GABRA6: variants seen among roughly 807,000 people sequenced by gnomAD.
The protein encoded by GABRA6 is gamma-aminobutyric acid receptor subunit alpha-6.
GABRA6 carries 45 observed loss-of-function variants against 47.3 expected under a neutral mutation model. That is an observed-to-expected ratio of 0.95 (90% CI 0.75 to 1.22). GABRA6 has a LOEUF of 1.22. Among genes scored for constraint, GABRA6 ranks in the 50% most tolerant of loss-of-function variants. The probability of loss-of-function intolerance (pLI) is 0.00; values close to 1 mark genes in which losing one functional copy is unlikely to be tolerated. For synonymous variants in GABRA6, 219 were observed against 194.7 expected, an observed-to-expected ratio of 1.12 and a Z score of -1.04; for missense variants, 583 against 549.3, an observed-to-expected ratio of 1.06 and a Z score of -0.61.
chr5:161,697,907 A>T (rs1039514591), intron 8 of GABRA6, among the ~76,000 whole-genome samples: 2 of 152,200 alleles, frequency 1.3e-5, no homozygotes, highest in African/African-American at 2.4e-5. Context: ...ATAATATGAC[A>T]TTGTGGATTT....
chr5:161,689,872 A>C (rs1309277401), intron 6 of GABRA6, 93 bp downstream of exon 6: 1 of 1,330,716 alleles, frequency 7.5e-7, no homozygotes, highest in Non-Finnish European at 1.1e-6. Context: ...CGCCTTAGCC[A>C]TTCTCAGCTA....
At chr5:161,691,445 G>A (rs1475319242) in intron 7 of GABRA6, among the ~76,000 whole-genome samples, 1 of 151,296 alleles carries the variant, frequency 6.6e-6, no homozygotes, top group Admixed American at 6.6e-5. Flanking sequence ...ACAGGCGCCC[G>A]CCACCAAGCC....
At chr5:161,692,685 TGA>T (rs1224446612) in intron 8 of GABRA6, among the ~76,000 whole-genome samples, 1 of 152,228 alleles carries the variant, frequency 6.6e-6, no homozygotes, top group African/African-American at 2.4e-5. Context: ...CTCTGAATGT[TGA>T]GTCATAACCC....
chr5:161,701,347 A>G, intron 8 of GABRA6, 151 bp from the exon 9 acceptor site: 1 of 854,372 alleles, frequency 1.2e-6, no homozygotes. Context: ...AAGTAACACC[A>G]ACAAATACTA....
chr5:161,696,105 G>A (rs1393216866), intron 8 of GABRA6, among the ~76,000 whole-genome samples: 1 of 152,128 alleles, frequency 6.6e-6, no homozygotes, highest in Admixed American at 6.5e-5. Flanking sequence ...AGAGGTTTTC[G>A]TTTCTAGCAG....
intron 8 of GABRA6, 68 bp from the exon 9 acceptor site, chr5:161,701,430 T>C (rs1037478016): frequency 6.6e-7 from 1 of 1,516,934 alleles, no homozygotes; most frequent in Non-Finnish European, 9.1e-7. Context: ...GGTGAAAGAG[T>C]GAATAAATAA....
chr5:161,690,891 T>A (rs1331410632), intron 7 of GABRA6, among the ~76,000 whole-genome samples: 2 of 152,172 alleles, frequency 1.3e-5, no homozygotes, highest in East Asian at 3.8e-4. Flanking sequence ...ATTCCAGTGT[T>A]TTTCCTGGGT....
chr5:161,699,708 C>T (rs544591666), intron 8 of GABRA6, among the ~76,000 whole-genome samples: 1 of 152,120 alleles, frequency 6.6e-6, no homozygotes, highest in South Asian at 2.1e-4. Flanking sequence ...GTGATCCACC[C>T]ACCTCCGCCT....
At chr5:161,688,909 C>T in intron 3 of GABRA6, 40 bp from the exon 4 acceptor site, 1 of 1,553,114 alleles carries the variant, frequency 6.4e-7, no homozygotes, top group Non-Finnish European at 8.9e-7. Context: ...TCTTAGCAAA[C>T]TATCTTTCCA....
At position 161,701,696 on chromosome 5, in the gene GABRA6, T is replaced by G; in HGVS notation, c.1285T>G (p.Phe429Val). ...QYSRILFPVAFAGFNLVYWVV... is the reference protein window; with the variant it reads ...QYSRILFPVAVAGFNLVYWVV... ...TTCTCGAATTCTCTTCCCAGTTGCA[T>G]TTGCAGGATTCAACCTTGTGTACTG... Residue 429 changes from phenylalanine (F) to valine (V), a missense_variant, in exon 9 of 9, where the codon TTT becomes GTT. Coordinates refer to ENST00000274545, the MANE Select transcript of GABRA6 (RefSeq NM_000811.3). 6.2e-7 allele frequency: 1 copy of G among 1,614,160 alleles called. No homozygotes were observed. Among genetic ancestry groups the G allele is most frequent in the Non-Finnish European group, 8.5e-7 (1 of 1,179,994 alleles).
intron 8 of GABRA6, among the ~76,000 whole-genome samples, chr5:161,698,691 TATAG>T (rs1289241182): frequency 6.6e-6 from 1 of 151,990 alleles, no homozygotes; most frequent in African/African-American, 2.4e-5. Context: ...AATTAGAGCC[TATAG>T]CACCTAGGAG....
At chr5:161,700,409 T>A (rs1261680926) in intron 8 of GABRA6, among the ~76,000 whole-genome samples, 1 of 152,136 alleles carries the variant, frequency 6.6e-6, no homozygotes, top group Non-Finnish European at 1.5e-5. Flanking sequence ...AAGGAGGGTG[T>A]TTGTTACAGG....
chr5:161,699,693 ATGT>A (rs1047068567), intron 8 of GABRA6, among the ~76,000 whole-genome samples: 4 of 151,208 alleles, frequency 2.6e-5, no homozygotes, highest in African/African-American at 9.7e-5. Flanking sequence ...TGAACTCCTG[ATGT>A]TGTGATCCAC....
chr5:161,702,174 G>A lies in GABRA6; in HGVS notation c.*401G>A, dbSNP rs796065470. 11 of 225,464 alleles carry A rather than the reference G, an allele frequency of 4.9e-5. No homozygotes were observed. In the South Asian group the frequency reaches 5.2e-4, roughly 11 times the overall value. 14.0% of individuals were successfully genotyped at this position (225,464 alleles called of 1,614,324 possible). ...ATATGTTTATTTTGGCTTAGTTCCC[G>A]AGAGGGCAAAATATAAATACAGTCT... On this transcript the variant is annotated 3_prime_UTR_variant, in exon 9 of 9. Coordinates refer to ENST00000274545, the MANE Select transcript of GABRA6 (RefSeq NM_000811.3).
intron 8 of GABRA6, among the ~76,000 whole-genome samples, chr5:161,692,702 A>C (rs1278062525): frequency 6.6e-6 from 1 of 152,174 alleles, no homozygotes; most frequent in Non-Finnish European, 1.5e-5. Context: ...TAACCCAATA[A>C]TTTGATTCAT....
chr5:161,689,221 C>A, intron 4 of GABRA6, 33 bp from the exon 5 acceptor site: 1 of 1,611,628 alleles, frequency 6.2e-7, no homozygotes, highest in Non-Finnish European at 8.5e-7. Flanking sequence ...GTCCATAATA[C>A]TAACTCAGAA....
intron 5 of GABRA6, 48 bp downstream of exon 5, chr5:161,689,384 A>G: frequency 6.8e-7 from 1 of 1,477,430 alleles, no homozygotes; most frequent in Non-Finnish European, 9.5e-7. Flanking sequence ...TCCAAAATAT[A>G]TAATTACTTG....
rs932912953 is a variant in GABRA6, at chr5:161,685,956, G to A, written c.-34G>A. On this transcript the variant is annotated 5_prime_UTR_variant, in exon 1 of 9. Transcript: ENST00000274545. ...CTGGCTAGCAGGGAGGACGACCCTAGGAGGGTGAATTCTGCATTTCAGTGC... is the reference window on the plus strand; with the variant it reads ...CTGGCTAGCAGGGAGGACGACCCTAAGAGGGTGAATTCTGCATTTCAGTGC... 1 of 1,602,346 alleles carries A rather than the reference G, an allele frequency of 6.2e-7. No individual in the cohort carries two copies. Among genetic ancestry groups the A allele is most frequent in the Admixed American group, 1.7e-5 (1 of 59,978 alleles).
intron 8 of GABRA6, among the ~76,000 whole-genome samples, chr5:161,697,074 A>G (rs1398499357): frequency 6.6e-6 from 1 of 152,208 alleles, no homozygotes; most frequent in Admixed American, 6.5e-5. Flanking sequence ...GTCCAGTTTG[A>G]CTTAAAGTAC....
Sources: gnomAD v4.1 joint callset for allele counts (sites outside exome capture counted in the v4.1 genomes callset) on GRCh38, gnomAD v4.1.1 for gene constraint, MANE v1.5 for transcripts, NCBI Gene and HGNC (gene_info 2026-07-23, HGNC 2026-07-21) for gene names.